The following UBAP2L variants were observed in gnomAD, a reference collection of about 807,000 sequenced individuals.
UBAP2L encodes ubiquitin-associated protein 2-like.
In UBAP2L, 12 loss-of-function variants were observed where a neutral mutation model predicts 130.6. That is an observed-to-expected ratio of 0.09 (90% CI 0.06 to 0.15). The LOEUF (loss-of-function observed/expected upper bound fraction) is 0.15, where lower values mean the gene tolerates loss of function less well. UBAP2L is among the 10% of genes least tolerant of loss of function. The pLI is 1.00. For missense variants in UBAP2L, 965 were observed against 1,332.5 expected (o/e 0.72, Z 4.29); for synonymous variants, 503 against 524.7 (o/e 0.96, Z 0.57).
intron 10 of UBAP2L, among the ~76,000 whole-genome samples, chr1:154,244,173 A>T (rs1232132707): frequency 6.6e-6 from 1 of 152,202 alleles, no homozygotes; most frequent in Non-Finnish European, 1.5e-5. Flanking sequence ...TGAGCCTGAT[A>T]GCTCAAAAAT....
Position 154,225,186 on chromosome 1 carries a change from C to A in UBAP2L, c.63C>A (p.Asn21Lys). ...ACTGGGAACAACCTCAAAACCAAAACCAGACACAGCACAAGCAGCGGCCAC... is the reference window on the plus strand; with the variant it reads ...ACTGGGAACAACCTCAAAACCAAAAACAGACACAGCACAAGCAGCGGCCAC... ...RGNWEQPQNQ[N>K]QTQHKQRPQA... The change falls in exon 2 of 27, where the codon AAC becomes AAA. Residue 21 changes from asparagine to lysine, a missense_variant. Around this residue, in one of 9 missense-constraint regions of UBAP2L, gnomAD observed 24 missense variants for 27.7 expected, o/e 0.87. Transcript: ENST00000428931. 6.2e-7 allele frequency: 1 copy of A among 1,614,124 alleles called. No homozygotes were observed. Among genetic ancestry groups the A allele is most frequent in the South Asian group, 1.1e-5 (1 of 91,088 alleles).
intron 9 of UBAP2L, chr1:154,241,854 G>T: frequency 1.1e-6 from 1 of 875,664 alleles, no homozygotes; most frequent in Non-Finnish European, 1.4e-6. Flanking sequence ...TGGTTGGGTA[G>T]GGCACCAGAA....
downstream of UBAP2L, chr1:154,271,035 G>C: frequency 7.7e-7 from 1 of 1,304,232 alleles, no homozygotes; most frequent in South Asian, 1.4e-5. Context: ...TCTTGTCCTT[G>C]AGGGGATTTC....
intron 6 of UBAP2L, 95 bp from the exon 7 acceptor site, chr1:154,236,471 A>G: frequency 7.4e-7 from 1 of 1,350,198 alleles, no homozygotes; most frequent in Middle Eastern, 1.8e-4. Context: ...AAGTGCTGGG[A>G]TTACCACCGG....
intron 4 of UBAP2L, among the ~76,000 whole-genome samples, chr1:154,233,755 C>G (rs1195789011): frequency 1.3e-5 from 2 of 151,274 alleles, no homozygotes; most frequent in African/African-American, 4.9e-5. Flanking sequence ...GAGTAGAATG[C>G]TGCTCATTCA....
chr1:154,254,754 A>G, intron 15 of UBAP2L, 82 bp from the exon 16 acceptor site: 1 of 1,429,024 alleles, frequency 7.0e-7, no homozygotes, highest in Non-Finnish European at 9.6e-7. Context: ...GTTGACCAAA[A>G]TAAAGCTGCA....
At position 154,255,693 on chromosome 1, in the gene UBAP2L, A is replaced by G. The variant is rs925063037; in HGVS notation, c.2095A>G (p.Thr699Ala). Residue 699 changes from threonine to alanine, a missense_variant, in exon 18 of 27, where the codon ACG (threonine) becomes GCG (alanine). This residue lies in a region of UBAP2L where 393 missense variants were observed against 408.1 expected (regional missense o/e 0.96). Coordinates refer to ENST00000428931, the MANE Select transcript of UBAP2L (RefSeq NM_014847.4). ...CTTTTTTTCTGACAGCACGTTATCT[A>G]CGCAGCAGAATACCCTTTCATCATC... ...TTTQHSSTLS[T>A]QQNTLSSSTS... 2.5e-5 allele frequency: 41 copies of G among 1,614,052 alleles called. No individual in the cohort carries two copies. Among genetic ancestry groups the G allele is most frequent in the Non-Finnish European group, 3.4e-5 (40 of 1,180,034 alleles).
rs185751136 is a variant in UBAP2L, at chr1:154,236,919, G to T, written c.591-105G>T. 3.6e-5 allele frequency: 31 copies of T among 860,654 alleles called. No homozygotes were observed. The East Asian group carries it at 8.1e-4, about 22-fold the overall frequency. The allele number at this position is 860,654 out of a possible 1,614,324, so 53.3% of individuals were successfully genotyped here. A position where few individuals can be genotyped will look rare whatever the true frequency, so the allele number is the denominator to read the frequency against. On this transcript the variant is annotated intron_variant, in intron 7 of 26. Coordinates refer to ENST00000428931, the MANE Select transcript of UBAP2L (RefSeq NM_014847.4). ...ACACAGGATTATAGAATGGGGCCATGACAGATTTGTACTAGGAAGGATGCA... is the reference window on the plus strand; with the variant it reads ...ACACAGGATTATAGAATGGGGCCATTACAGATTTGTACTAGGAAGGATGCA...
At chr1:154,233,513 C>CTAATATGCTAAGTGACT (rs1558134594) in intron 4 of UBAP2L, among the ~76,000 whole-genome samples, 1 of 151,286 alleles carries the variant, frequency 6.6e-6, no homozygotes, top group African/African-American at 2.5e-5. Flanking sequence ...TTAGTAGAGA[C>CTAATATGCTAAGTGACT]GGGGTTTCAC....
At chr1:154,220,694 C>A (rs567209028), upstream of UBAP2L, 2 of 461,558 alleles carry the variant, frequency 4.3e-6, no homozygotes, top group Admixed American at 3.6e-5. Flanking sequence ...GAGGAAGCGG[C>A]GGCCATCCGT....
intron 4 of UBAP2L, among the ~76,000 whole-genome samples, chr1:154,229,655 G>C (rs1051783644): frequency 6.6e-6 from 1 of 151,674 alleles, no homozygotes; most frequent in African/African-American, 2.4e-5. Flanking sequence ...GTAGAGCCAG[G>C]GTTTCTCCAT....
chr1:154,223,165 A>C (rs577283978), intron 1 of UBAP2L, among the ~76,000 whole-genome samples: 2 of 152,180 alleles, frequency 1.3e-5, no homozygotes, highest in Admixed American at 6.5e-5. Flanking sequence ...GTAAGAGGGA[A>C]ATGTTACTAG....
chr1:154,220,462 C>T (rs1665512031), upstream of UBAP2L: 14 of 1,608,082 alleles, frequency 8.7e-6, no homozygotes, highest in South Asian at 8.8e-5. Context: ...CCTGGCTGGT[C>T]AGCCCAGGCT....
At chr1:154,269,592 C>T (rs971011294) in intron 26 of UBAP2L, 4 of 384,398 alleles carry the variant, frequency 1.0e-5, no homozygotes, top group Non-Finnish European at 2.0e-5. Flanking sequence ...CCAACACCCT[C>T]TTTATCTTTG....
At chr1:154,247,747 A>T (rs1038248013) in intron 11 of UBAP2L, among the ~76,000 whole-genome samples, 5 of 151,560 alleles carry the variant, frequency 3.3e-5, no homozygotes, top group Admixed American at 2.0e-4. Flanking sequence ...AATTTTTTTT[A>T]AATAAAAATG....
chr1:154,248,721 C>G (rs1205304717), intron 11 of UBAP2L, among the ~76,000 whole-genome samples: 1 of 152,044 alleles, frequency 6.6e-6, no homozygotes, highest in Admixed American at 6.6e-5. Flanking sequence ...GAGGCTGAGG[C>G]AGGAGAATGG....
chr1:154,249,426 T>C lies in UBAP2L; in HGVS notation c.1202T>C (p.Leu401Pro). 1 of 1,614,080 alleles carries C rather than the reference T, an allele frequency of 6.2e-7. No individual in the cohort carries two copies. Among genetic ancestry groups the C allele is most frequent in the Non-Finnish European group, 8.5e-7 (1 of 1,180,020 alleles). Residue 401 changes from leucine (L) to proline (P), a missense_variant, in exon 12 of 27, where the codon CTG becomes CCG. Leu to Pro is a moderately conservative substitution (Grantham distance 98). Transcript: ENST00000428931. The part of the protein sequence containing the change: ...DMGSTTQSPS[L>P]VQYDLKNPSD... ...GGCTCGACGACACAATCCCCATCAC[T>C]GGTGCAGTATGGTGAGAAGATGGAA...
chr1:154,257,589 A>T, intron 20 of UBAP2L, 155 bp downstream of exon 20: 4 of 739,120 alleles, frequency 5.4e-6, no homozygotes, highest in Non-Finnish European at 8.7e-6. Flanking sequence ...TGAGTTTTGC[A>T]TTCTGTAAAT....
At chr1:154,241,978 G>A (rs1347409901) in intron 9 of UBAP2L, among the ~76,000 whole-genome samples, 7 of 152,188 alleles carry the variant, frequency 4.6e-5, no homozygotes, top group Non-Finnish European at 5.9e-5. Flanking sequence ...GATCCAAAGC[G>A]AGTGTTGTGG....
Sources: allele counts gnomAD v4.1 joint callset (sites outside exome capture counted in the v4.1 genomes callset), GRCh38; gene constraint gnomAD v4.1.1; regional missense constraint gnomAD v4.1.1; transcripts MANE v1.5; gene names NCBI Gene and HGNC (gene_info 2026-07-23, HGNC 2026-07-21).